PPARD: variants seen among roughly 807,000 people sequenced by gnomAD.
PPARD encodes peroxisome proliferator-activated receptor delta.
PPARD carries 6 observed loss-of-function variants against 39.5 expected under a neutral mutation model. The ratio of observed to expected loss-of-function variants is 0.15; its 90% CI spans 0.08 to 0.30. The LOEUF (loss-of-function observed/expected upper bound fraction) is 0.30, where lower values mean the gene tolerates loss of function less well. Ranked by LOEUF, PPARD falls within the 10% of genes least tolerant of loss-of-function variation. The pLI is 1.00. For synonymous variants in PPARD, 210 were observed against 231.3 expected (o/e 0.91, Z 0.83); for missense variants, 397 against 596.8 (o/e 0.67, Z 3.49).
At chr6:35,423,917 C>T in intron 5 of PPARD, 29 bp from the exon 6 acceptor site, 1 of 1,611,712 alleles carries the variant, frequency 6.2e-7, no homozygotes, top group Non-Finnish European at 8.5e-7. Flanking sequence ...TGCCTGGGCT[C>T]CTTGCTGACT....
intron 2 of PPARD, among the ~76,000 whole-genome samples, chr6:35,396,970 T>C (rs1764365001): frequency 6.6e-6 from 1 of 152,104 alleles, no homozygotes; most frequent in South Asian, 2.1e-4. Flanking sequence ...CATAGTGTAC[T>C]TTTCAGATTA....
intron 4 of PPARD, 138 bp downstream of exon 4, chr6:35,420,419 G>A: frequency 8.2e-7 from 1 of 1,221,428 alleles, no homozygotes. Context: ...AGGCAGCCAG[G>A]CCCTTGTGCT....
At position 35,420,156 on chromosome 6, in the gene PPARD, CT is replaced by C; in HGVS notation, c.161del (p.Leu54ArgfsTer51). 2.5e-6 allele frequency: 4 copies of C among 1,613,710 alleles called. No homozygotes were observed. The highest frequency in any genetic ancestry group is 3.4e-6 in the Non-Finnish European group (4 of 1,179,920). On this transcript the variant is annotated frameshift_variant, in exon 4 of 8. Transcript: ENST00000360694. LOFTEE classifies it high-confidence loss of function. ...CTCCCGGAGCTCCTCGCCACCCTCA[CT>C]GCTGGACCAACTGCAGATGGGCTGT... is the stretch of plus-strand genomic sequence containing the variant. ...DLSRSSSPPS[L>X]LDQLQMGCDG...
rs114841141 is a variant in PPARD, at chr6:35,343,864, C to T, written c.-186+1183C>T. On this transcript the variant is annotated intron_variant, in intron 1 of 7. Transcript: ENST00000360694. ...ACCATGATACCCCAGCCTCTCTCTG[C>T]CCTCACTCCCACCCTCCACCCTGTG... Among the ~76,000 whole-genome samples, 237 of 152,316 alleles carry T rather than the reference C, an allele frequency of 1.6e-3. 1 individual carries two copies. Among genetic ancestry groups the T allele is most frequent in the African/African-American group, 5.2e-3 (216 of 41,566 alleles).
chr6:35,387,550 G>A (rs1428442267), intron 2 of PPARD, among the ~76,000 whole-genome samples: 2 of 151,864 alleles, frequency 1.3e-5, no homozygotes, highest in Admixed American at 6.6e-5. Flanking sequence ...TTCCTTCCAC[G>A]GTTTTTCCAT....
At chr6:35,353,423 C>G (rs1330404873) in intron 2 of PPARD, among the ~76,000 whole-genome samples, 3 of 152,098 alleles carry the variant, frequency 2.0e-5, no homozygotes. Flanking sequence ...GTGGAATAAC[C>G]CATCCCTACC....
At chr6:35,413,276 C>T (rs1015126699) in intron 3 of PPARD, among the ~76,000 whole-genome samples, 1 of 152,166 alleles carries the variant, frequency 6.6e-6, no homozygotes, top group Non-Finnish European at 1.5e-5. Context: ...CAGCGGGAAA[C>T]GTCCAGGGCA....
chr6:35,397,533 G>A (rs959693110), intron 2 of PPARD: 3 of 985,228 alleles, frequency 3.0e-6, no homozygotes, highest in Non-Finnish European at 3.6e-6. Context: ...GGAAAGCAGG[G>A]TCAGATACCC....
chr6:35,390,281 C>G (rs1422397372), intron 2 of PPARD, among the ~76,000 whole-genome samples: 1 of 152,240 alleles, frequency 6.6e-6, no homozygotes, highest in Admixed American at 6.5e-5. Context: ...AGTTTGTATA[C>G]TTACCTCTTC....
rs974890814 is a variant in PPARD, at chr6:35,363,559, C to G, written c.-102+16409C>G. On this transcript the variant is annotated intron_variant, in intron 2 of 7. Coordinates refer to ENST00000360694, the MANE Select transcript of PPARD (RefSeq NM_006238.5). The surrounding 1 kb of genome is among the most constrained non-coding windows in gnomAD (Gnocchi z 4.5). ...GGGCTGGTGCCTCAGCCTCCAGACG[C>G]TCTCCAGTAGGTCTGAGTAGGTGGT... Among the ~76,000 whole-genome samples, 1 of 152,148 alleles carries G rather than the reference C, an allele frequency of 6.6e-6. No homozygotes were observed. Among genetic ancestry groups the G allele is most frequent in the African/African-American group, 2.4e-5 (1 of 41,428 alleles).
In PPARD at chr6:35,425,921, C is replaced by A; in HGVS notation, c.1168C>A (p.Pro390Thr). 6.2e-7 allele frequency: 1 copy of A among 1,614,202 alleles called. No individual in the cohort carries two copies. Among genetic ancestry groups the A allele is most frequent in the Non-Finnish European group, 8.5e-7 (1 of 1,180,038 alleles). Reference sequence around the variant, plus strand: ...CGAATTCCACCTGCAGGCCAACCACCCTGATGCCCAGTACCTCTTCCCCAA... The same window carrying A: ...CGAATTCCACCTGCAGGCCAACCACACTGATGCCCAGTACCTCTTCCCCAA... ...ALEFHLQANH[P>T]DAQYLFPKLL... Residue 390 changes from proline to threonine, a missense_variant, in exon 8 of 8, where the codon CCT becomes ACT. Pro to Thr is a conservative substitution (Grantham distance 38, BLOSUM62 -1). Transcript: ENST00000360694. This position sits in a 1 kb window ranked among gnomAD's most constrained non-coding sequence, Gnocchi z 4.5.
chr6:35,371,121 A>G (rs550064852), intron 2 of PPARD, among the ~76,000 whole-genome samples: 10 of 152,254 alleles, frequency 6.6e-5, no homozygotes, highest in African/African-American at 1.9e-4. Context: ...TCTCTCTCAC[A>G]TAATTGCTTT....
rs574189962 is a variant in PPARD at position 35,402,671 on chromosome 6, C to T, written c.-101-8316C>T. Among the ~76,000 whole-genome samples, 17 of 152,272 alleles carry T rather than the reference C, an allele frequency of 1.1e-4. 1 individual carries two copies. In the East Asian group the frequency reaches 3.3e-3, roughly 29 times the overall value. Reference sequence around the variant, plus strand: ...CCCCAGGCCACTCCTGGGGATTGGCCTCAGGTGACTCTCTGGGCTGACTCT... The same window carrying T: ...CCCCAGGCCACTCCTGGGGATTGGCTTCAGGTGACTCTCTGGGCTGACTCT... On this transcript the variant is annotated intron_variant, in intron 2 of 7. Coordinates refer to ENST00000360694, the MANE Select transcript of PPARD (RefSeq NM_006238.5).
chr6:35,376,073 T>C (rs1018498320), intron 2 of PPARD, among the ~76,000 whole-genome samples: 1 of 152,232 alleles, frequency 6.6e-6, no homozygotes, highest in Non-Finnish European at 1.5e-5. Context: ...TTTGGTGTGC[T>C]GCTTTTATCT....
intron 2 of PPARD, among the ~76,000 whole-genome samples, chr6:35,395,831 C>G (rs1353897665): frequency 6.6e-6 from 1 of 152,222 alleles, no homozygotes; most frequent in Non-Finnish European, 1.5e-5. Context: ...AGTTACCTCA[C>G]TCTTCCATGT....
chr6:35,418,700 G>GT (rs1765942377), intron 3 of PPARD, among the ~76,000 whole-genome samples: 1 of 45,340 alleles, frequency 2.2e-5, no homozygotes, highest in South Asian at 7.5e-4. Flanking sequence ...TGGGTCAAGA[G>GT]GAACAGTTAC....
chr6:35,404,001 C>T (rs1039649983), intron 2 of PPARD, among the ~76,000 whole-genome samples: 2 of 152,124 alleles, frequency 1.3e-5, no homozygotes, highest in African/African-American at 4.8e-5. Context: ...GCAGTAATGT[C>T]CAGAAGGGCT....
At chr6:35,389,397 C>T (rs143278384) in intron 2 of PPARD, among the ~76,000 whole-genome samples, 1,716 of 152,200 alleles carry the variant, frequency 0.011, 44 homozygotes, top group African/African-American at 0.039. Flanking sequence ...CTGCAACCTC[C>T]ACCTCCTGGC....
chr6:35,421,766 C>A, intron 4 of PPARD, 54 bp from the exon 5 acceptor site: 1 of 1,543,064 alleles, frequency 6.5e-7, no homozygotes, highest in Non-Finnish European at 8.8e-7. Flanking sequence ...CCCTTTGGCA[C>A]AGCCTCCCTC....
Sources: allele counts gnomAD v4.1 joint callset (sites outside exome capture counted in the v4.1 genomes callset), GRCh38; gene constraint gnomAD v4.1.1; non-coding constraint Gnocchi (gnomAD v3.1); transcripts MANE v1.5; gene names NCBI Gene and HGNC (gene_info 2026-07-23, HGNC 2026-07-21).